The following MRPL1 variants were observed in gnomAD, a reference collection of about 807,000 sequenced individuals.
The protein encoded by MRPL1 is large ribosomal subunit protein uL1m.
In MRPL1, 28 loss-of-function variants were observed where a neutral mutation model predicts 38.0. The observed-to-expected ratio is 0.74, with a 90% CI of 0.55 to 1.01. The LOEUF is 1.01. Among genes scored for constraint, MRPL1 ranks in the 50% least tolerant of loss-of-function variants. MRPL1 has a pLI of 0.00. For missense variants in MRPL1, 358 were observed against 389.8 expected (o/e 0.92, Z 0.69); for synonymous variants, 123 against 126.7 (o/e 0.97, Z 0.20).
intron 7 of MRPL1, among the ~76,000 whole-genome samples, chr4:77,946,005 A>G (rs6533358): frequency 0.86 from 129,989 of 152,024 alleles, 55,781 homozygotes; most frequent in Admixed American, 0.89. Flanking sequence ...GCAGAGAACT[A>G]GTCTGACCTC....
At chr4:77,902,650 CAG>C (rs1189748689) in intron 6 of MRPL1, among the ~76,000 whole-genome samples, 1 of 150,512 alleles carries the variant, frequency 6.6e-6, no homozygotes, top group Non-Finnish European at 1.5e-5. Flanking sequence ...AAAGGGAAGA[CAG>C]ATTATTAATA....
At chr4:77,880,479 A>G (rs1277834602) in intron 2 of MRPL1, among the ~76,000 whole-genome samples, 1 of 147,690 alleles carries the variant, frequency 6.8e-6, no homozygotes, top group Non-Finnish European at 1.5e-5. Context: ...CTTTAACCTT[A>G]TCTCGTCTGC....
At chr4:77,929,271 TA>T (rs1736789876) in intron 7 of MRPL1, among the ~76,000 whole-genome samples, 1 of 141,974 alleles carries the variant, frequency 7.0e-6, no homozygotes, top group Admixed American at 6.8e-5. Context: ...TAAATAAAAA[TA>T]AAAATAAAAA....
chr4:77,868,647 T>A (rs1417396992), intron 1 of MRPL1, among the ~76,000 whole-genome samples: 1 of 152,226 alleles, frequency 6.6e-6, no homozygotes, highest in Non-Finnish European at 1.5e-5. Flanking sequence ...GGGAGACTCT[T>A]CTGAAGAAAT....
chr4:77,919,418 A>G (rs914469805), intron 7 of MRPL1, among the ~76,000 whole-genome samples: 3 of 152,154 alleles, frequency 2.0e-5, no homozygotes, highest in African/African-American at 7.2e-5. Context: ...TGACTATCCC[A>G]TTTTACAGAG....
chr4:77,901,690 G>T (rs1736039136), intron 6 of MRPL1, among the ~76,000 whole-genome samples: 1 of 152,176 alleles, frequency 6.6e-6, no homozygotes, highest in African/African-American at 2.4e-5. Flanking sequence ...TCATCTTAAA[G>T]CTTCAAAATA....
intron 7 of MRPL1, among the ~76,000 whole-genome samples, chr4:77,935,824 C>T (rs904353160): frequency 2.2e-4 from 33 of 151,374 alleles, no homozygotes; most frequent in Admixed American, 5.3e-4. Context: ...CCCAGCTACT[C>T]GGGAGGCTAA....
intron 6 of MRPL1, among the ~76,000 whole-genome samples, chr4:77,904,098 T>C (rs1348827341): frequency 7.0e-6 from 1 of 143,880 alleles, no homozygotes; most frequent in Admixed American, 6.9e-5. Flanking sequence ...AAAAAAAAAA[T>C]CTACTGGGTG....
chr4:77,901,247 C>T (rs902094166), intron 6 of MRPL1, among the ~76,000 whole-genome samples: 1 of 151,890 alleles, frequency 6.6e-6, no homozygotes, highest in Non-Finnish European at 1.5e-5. Flanking sequence ...GCAAGTAAAA[C>T]ATACTCACAC....
At chr4:77,921,995 G>A (rs560075991) in intron 7 of MRPL1, among the ~76,000 whole-genome samples, 4 of 152,160 alleles carry the variant, frequency 2.6e-5, no homozygotes, top group East Asian at 3.9e-4. Context: ...AGATAATGGG[G>A]TTATATACAT....
chr4:77,909,384 T>A lies in MRPL1; in HGVS notation c.777+12T>A. On this transcript the variant is annotated intron_variant, in intron 7 of 8. Coordinates refer to ENST00000315567, the MANE Select transcript of MRPL1 (RefSeq NM_020236.4). ...CCAAAATAGCAACAGTAAGTTACAATGAAAATTATCAAATAATCCTCTTTT... is the reference window on the plus strand; with the variant it reads ...CCAAAATAGCAACAGTAAGTTACAAAGAAAATTATCAAATAATCCTCTTTT... 1 of 1,404,978 alleles carries A rather than the reference T, an allele frequency of 7.1e-7. No homozygotes were observed. 87.0% of individuals were successfully genotyped at this position (1,404,978 alleles called of 1,614,324 possible).
intron 6 of MRPL1, 59 bp downstream of exon 6, chr4:77,894,309 A>T (rs1735868742): frequency 9.1e-7 from 1 of 1,093,318 alleles, no homozygotes; most frequent in Non-Finnish European, 1.4e-6. Flanking sequence ...AACTTTGCTT[A>T]GTTAGGAAAC....
chr4:77,906,811 A>G (rs1481053195), intron 6 of MRPL1: 2 of 208,928 alleles, frequency 9.6e-6, no homozygotes, highest in South Asian at 1.7e-4. Context: ...GTATACCACT[A>G]TTAGCATCTT....
chr4:77,883,778 A>G (rs772533944), intron 3 of MRPL1, among the ~76,000 whole-genome samples: 8 of 151,384 alleles, frequency 5.3e-5, no homozygotes, highest in Non-Finnish European at 1.0e-4. Context: ...AGGTTTCCCC[A>G]TTTTGCCCAG....
intron 2 of MRPL1, among the ~76,000 whole-genome samples, 161 bp downstream of exon 2, chr4:77,872,016 A>G (rs943553649): frequency 3.9e-5 from 6 of 152,210 alleles, no homozygotes; most frequent in Non-Finnish European, 5.9e-5. Context: ...AAGACATAAT[A>G]ATACTTAACG....
intron 8 of MRPL1, 77 bp from the exon 9 acceptor site, chr4:77,952,408 TTAAG>T: frequency 1.1e-6 from 1 of 952,040 alleles, no homozygotes; most frequent in Non-Finnish European, 1.7e-6. Flanking sequence ...AGTGACAATA[TTAAG>T]TGAGGACCTA....
intron 6 of MRPL1, among the ~76,000 whole-genome samples, chr4:77,909,027 A>G (rs184771857): frequency 6.6e-6 from 1 of 152,234 alleles, no homozygotes; most frequent in Non-Finnish European, 1.5e-5. Flanking sequence ...GACAGGCATT[A>G]TAGCTTTATG....
At chr4:77,919,771 T>G (rs1174292781) in intron 7 of MRPL1, among the ~76,000 whole-genome samples, 1 of 151,276 alleles carries the variant, frequency 6.6e-6, no homozygotes, top group Non-Finnish European at 1.5e-5. Context: ...TCTCATGACC[T>G]ATTATATATA....
chr4:77,907,372 A>G (rs1327498092), intron 6 of MRPL1, among the ~76,000 whole-genome samples: 1 of 151,912 alleles, frequency 6.6e-6, no homozygotes, highest in African/African-American at 2.4e-5. Flanking sequence ...TCTCCTTACT[A>G]TATTTAGTTG....
Sources: allele counts gnomAD v4.1 joint callset (sites outside exome capture counted in the v4.1 genomes callset), GRCh38; gene constraint gnomAD v4.1.1; transcripts MANE v1.5; gene names NCBI Gene and HGNC (gene_info 2026-07-23, HGNC 2026-07-21).